Variants in CCNI observed in about 807,000 individuals in gnomAD.
CCNI encodes cyclin I.
In CCNI, 14 loss-of-function variants were observed where a neutral mutation model predicts 34.1. The observed-to-expected ratio is 0.41, with a 90% confidence interval of 0.27 to 0.64. The LOEUF (loss-of-function observed/expected upper bound fraction) is 0.64, where lower values mean the gene tolerates loss of function less well. Ranked by LOEUF, CCNI falls within the 30% of genes least tolerant of loss-of-function variation. CCNI has a pLI of 0.31. For missense variants in CCNI, 385 were observed against 440.5 expected, an observed-to-expected ratio of 0.87 and a Z score of 1.13; for synonymous variants, 154 against 158.4, an observed-to-expected ratio of 0.97 and a Z score of 0.21.
chr4:77,067,421 GAGC>G (rs1310183129), intron 1 of CCNI, among the ~76,000 whole-genome samples: 1 of 152,102 alleles, frequency 6.6e-6, no homozygotes, highest in Non-Finnish European at 1.5e-5. Flanking sequence ...ACTCTAAAAT[GAGC>G]AGCATGTCTA....
intron 6 of CCNI, among the ~76,000 whole-genome samples, chr4:77,051,481 T>C (rs1727831254): frequency 6.7e-6 from 1 of 149,510 alleles, no homozygotes; most frequent in Admixed American, 6.6e-5. Flanking sequence ...GGTGGGAGAC[T>C]GACAAGAAAT....
At chr4:77,050,356 C>A (rs781717343) in intron 6 of CCNI, among the ~76,000 whole-genome samples, 1 of 152,022 alleles carries the variant, frequency 6.6e-6, no homozygotes, top group Non-Finnish European at 1.5e-5. Context: ...GTTTGCAATA[C>A]CACAGAGAAA....
Position 77,075,670 on chromosome 4 carries a change from A to T in CCNI, c.-242T>A. The T allele has an allele frequency of 1.6e-6, 1 of 615,538 alleles. No individual in the cohort carries two copies. The highest frequency in any genetic ancestry group is 2.0e-5 in the African/African-American group (1 of 50,022). 38.1% of individuals were successfully genotyped at this position (615,538 alleles called of 1,614,324 possible). ...GCGCGGGCGCGGGCGCTGGCGCTCG[A>T]GCGGGACGCACGGCTGCGGCCGCTG... On this transcript the variant is annotated 5_prime_UTR_variant, in exon 1 of 7. Transcript: ENST00000237654.
At chr4:77,064,896 T>C (rs1578249318) in intron 2 of CCNI, 1 of 152,168 alleles carries the variant, frequency 6.6e-6, no homozygotes, top group Admixed American at 6.5e-5. Flanking sequence ...CCATGGCTGG[T>C]CTCGAACGCC....
chr4:77,067,790 TAAAA>T (rs375815113), intron 1 of CCNI, among the ~76,000 whole-genome samples: 26 of 98,696 alleles, frequency 2.6e-4, no homozygotes, highest in South Asian at 3.8e-4. Flanking sequence ...CTTCTAGGTT[TAAAA>T]AAAAAAAAAA....
chr4:77,074,259 T>TTA (rs1729723528), intron 1 of CCNI, among the ~76,000 whole-genome samples: 1 of 152,190 alleles, frequency 6.6e-6, no homozygotes, highest in African/African-American at 2.4e-5. Flanking sequence ...ACATGCTGAC[T>TTA]GTATTAGTCT....
At chr4:77,049,108 G>A (rs1560767253) in intron 6 of CCNI, among the ~76,000 whole-genome samples, 3 of 149,576 alleles carry the variant, frequency 2.0e-5, no homozygotes, top group African/African-American at 4.9e-5. Context: ...AAGCCAAAGG[G>A]CAAAAAAAAA....
At chr4:77,065,385 T>G (rs4252830) in intron 2 of CCNI, among the ~76,000 whole-genome samples, 2,373 of 152,254 alleles carry the variant, frequency 0.016, 61 homozygotes, top group African/African-American at 0.054. Context: ...ACAATAAACT[T>G]TTGGAGTGGA....
intron 2 of CCNI, among the ~76,000 whole-genome samples, chr4:77,063,833 G>A (rs1455817680): frequency 6.6e-6 from 1 of 152,072 alleles, no homozygotes; most frequent in Admixed American, 6.5e-5. Flanking sequence ...TATTAAATAT[G>A]GCTTCTACTT....
Position 77,066,390 on chromosome 4 carries a change from A to G in CCNI, c.-28T>C. 1 of 1,612,640 alleles carries G rather than the reference A, an allele frequency of 6.2e-7. No homozygotes were observed. Among genetic ancestry groups the G allele is most frequent in the Non-Finnish European group, 8.5e-7 (1 of 1,179,290 alleles). On this transcript the variant is annotated 5_prime_UTR_variant, in exon 2 of 7. Coordinates refer to ENST00000237654, the MANE Select transcript of CCNI (RefSeq NM_006835.3). ...TATCCTTTGGATCTGCCTGCTACCC[A>G]GCTTGCTGTAGCTACCTACAGAATC... is the stretch of plus-strand genomic sequence containing the variant.
At chr4:77,063,221 G>C (rs1380534053) in intron 2 of CCNI, among the ~76,000 whole-genome samples, 1 of 151,960 alleles carries the variant, frequency 6.6e-6, no homozygotes, top group East Asian at 1.9e-4. Context: ...GGGGCAGGGG[G>C]GAAGTTAGAA....
chr4:77,067,669 T>G (rs1258848812), intron 1 of CCNI, among the ~76,000 whole-genome samples: 1 of 89,128 alleles, frequency 1.1e-5, no homozygotes, highest in Admixed American at 1.4e-4. Context: ...TTTGTGGGGT[T>G]TTTTTTTTTT....
intron 6 of CCNI, among the ~76,000 whole-genome samples, chr4:77,053,449 A>G (rs2110011782): frequency 6.6e-6 from 1 of 152,290 alleles, no homozygotes; most frequent in South Asian, 2.1e-4. Flanking sequence ...CTAAGAAGAA[A>G]AAAAAGTTTC....
chr4:77,058,802 G>GGAT (rs146088484), intron 2 of CCNI, among the ~76,000 whole-genome samples, 167 bp from the exon 3 acceptor site: 8,759 of 152,152 alleles, frequency 0.058, 848 homozygotes, highest in African/African-American at 0.2. Context: ...AAAACTTTAT[G>GGAT]TATTATCACA....
chr4:77,060,021 G>A (rs1308339621), intron 2 of CCNI, among the ~76,000 whole-genome samples: 3 of 151,826 alleles, frequency 2.0e-5, no homozygotes, highest in Admixed American at 6.6e-5. Context: ...TGAAAGGAAC[G>A]ATGACTTACA....
In CCNI at chr4:77,048,171, C is replaced by A; in HGVS notation, c.*48G>T. 6.8e-7 allele frequency: 1 copy of A among 1,467,486 alleles called. No homozygotes were observed. Among genetic ancestry groups the A allele is most frequent in the Non-Finnish European group, 9.4e-7 (1 of 1,068,988 alleles). 90.9% of individuals were successfully genotyped at this position (1,467,486 alleles called of 1,614,324 possible). A position where few individuals can be genotyped will look rare whatever the true frequency, so the allele number is the denominator to read the frequency against. On this transcript the variant is annotated 3_prime_UTR_variant, in exon 7 of 7. Coordinates refer to ENST00000237654, the MANE Select transcript of CCNI (RefSeq NM_006835.3). ...TTCCTGATTTTGCATGTTCTCATTC[C>A]CAAAGTAGTCTACCTTAGTTTACAC...
In CCNI at chr4:77,058,545, C is replaced by A; in HGVS notation, c.205G>T (p.Ala69Ser). Residue 69 changes from alanine to serine, a missense_variant, in exon 3 of 7, where the codon GCT becomes TCT. Coordinates refer to ENST00000237654, the MANE Select transcript of CCNI (RefSeq NM_006835.3). ...AAAAACCTATCCAAAAGACTGCTAG[C>A]CAGAGCAAATGTTTCTGGGTAAAGG... ...FNLYPETFAL[A>S]SSLLDRFLAT... The A allele has an allele frequency of 6.2e-7, 1 of 1,613,532 alleles. No homozygotes were observed. Among genetic ancestry groups the A allele is most frequent in the Non-Finnish European group, 8.5e-7 (1 of 1,179,656 alleles).
At chr4:77,055,835 T>C in intron 5 of CCNI, 127 bp downstream of exon 5, 2 of 745,062 alleles carry the variant, frequency 2.7e-6, no homozygotes, top group Non-Finnish European at 4.3e-6. Flanking sequence ...ATTTATAATT[T>C]TTCCTTGGAT....
chr4:77,062,970 G>C (rs1167666117), intron 2 of CCNI, among the ~76,000 whole-genome samples: 1 of 152,184 alleles, frequency 6.6e-6, no homozygotes, highest in Non-Finnish European at 1.5e-5. Context: ...CTTACTTTGA[G>C]TCTATTATAT....
Sources: allele counts gnomAD v4.1 joint callset (sites outside exome capture counted in the v4.1 genomes callset), GRCh38; gene constraint gnomAD v4.1.1; transcripts MANE v1.5; gene names NCBI Gene and HGNC (gene_info 2026-07-23, HGNC 2026-07-21).